CHRM3: variants seen among roughly 807,000 people sequenced by gnomAD.
CHRM3 encodes the protein muscarinic acetylcholine receptor M3.
CHRM3 carries 11 observed loss-of-function variants against 41.8 expected under a neutral mutation model. The ratio of observed to expected loss-of-function variants is 0.26; its 90% CI spans 0.17 to 0.44. The LOEUF is 0.44. Among genes scored for constraint, CHRM3 ranks in the 20% least tolerant of loss-of-function variants. The pLI is 1.00. For synonymous variants in CHRM3, 297 were observed against 301.4 expected, an observed-to-expected ratio of 0.99 and a Z score of 0.15; for missense variants, 571 against 745.4, an observed-to-expected ratio of 0.77 and a Z score of 2.72.
At chr1:239,647,911 GA>G (rs1047348039) in intron 4 of CHRM3, among the ~76,000 whole-genome samples, 9 of 151,404 alleles carry the variant, frequency 5.9e-5, no homozygotes, top group African/African-American at 1.9e-4. Flanking sequence ...CTACAAAATG[GA>G]AAAAAAATAA....
At chr1:239,573,493 T>C (rs973505352) in intron 3 of CHRM3, among the ~76,000 whole-genome samples, 35 of 152,292 alleles carry the variant, frequency 2.3e-4, no homozygotes, top group African/African-American at 8.2e-4. Flanking sequence ...TACTAAAGTC[T>C]TTTAATTTTA....
At chr1:239,632,964 C>T (rs189600214) in intron 4 of CHRM3, among the ~76,000 whole-genome samples, 78 of 152,288 alleles carry the variant, frequency 5.1e-4, no homozygotes, top group African/African-American at 1.9e-3. Flanking sequence ...GAAGGGGAAG[C>T]AAGCCATGTC....
intron 1 of CHRM3, among the ~76,000 whole-genome samples, chr1:239,488,454 G>A (rs932377171): frequency 6.6e-6 from 1 of 151,952 alleles, no homozygotes; most frequent in Non-Finnish European, 1.5e-5. Context: ...GGTGGCACAG[G>A]CCTGTAATCC....
chr1:239,543,994 A>T (rs1192225604), intron 2 of CHRM3, among the ~76,000 whole-genome samples: 1 of 152,228 alleles, frequency 6.6e-6, no homozygotes, highest in Non-Finnish European at 1.5e-5. Context: ...TGAATTTCAA[A>T]TAATTCGCAC....
At chr1:239,799,443 C>T (rs1183165232) in intron 5 of CHRM3, among the ~76,000 whole-genome samples, 1 of 152,152 alleles carries the variant, frequency 6.6e-6, no homozygotes, top group African/African-American at 2.4e-5. Flanking sequence ...GCTGTTTTCG[C>T]TCCAGGCACT....
intron 1 of CHRM3, among the ~76,000 whole-genome samples, chr1:239,422,359 A>G (rs560332853): frequency 1.3e-5 from 2 of 152,338 alleles, no homozygotes; most frequent in South Asian, 4.1e-4. Flanking sequence ...TGGGACATCA[A>G]TAAATAATCC....
rs1439307718 is a variant in CHRM3, at chr1:239,639,878, C to G, written c.-250+7592C>G. Among the ~76,000 whole-genome samples the G allele has an allele frequency of 2.7e-5, 4 of 146,044 alleles. No individual in the cohort carries two copies. The East Asian group carries it at 8.0e-4, about 29-fold the overall frequency. Reference sequence around the variant, plus strand: ...GGAATGCTTCCAGTTTTTGCCCATTCAGTATGATATTGGCTGTGGGTTTGT... The same window carrying G: ...GGAATGCTTCCAGTTTTTGCCCATTGAGTATGATATTGGCTGTGGGTTTGT... On this transcript the variant is annotated intron_variant, in intron 4 of 6. Transcript: ENST00000676153.
At chr1:239,675,387 G>C (rs1448357851) in intron 4 of CHRM3, among the ~76,000 whole-genome samples, 1 of 152,038 alleles carries the variant, frequency 6.6e-6, no homozygotes, top group African/African-American at 2.4e-5. Context: ...TCTTCTATTT[G>C]TTGCATCCTA....
intron 4 of CHRM3, among the ~76,000 whole-genome samples, chr1:239,651,851 A>AC (rs569743360): frequency 3.3e-5 from 5 of 151,686 alleles, no homozygotes; most frequent in African/African-American, 7.3e-5. Context: ...TCCAGACAGC[A>AC]CCCCCCCACA....
intron 6 of CHRM3, among the ~76,000 whole-genome samples, chr1:239,859,937 A>G (rs544081895): frequency 1.1e-4 from 16 of 151,766 alleles, no homozygotes; most frequent in African/African-American, 3.6e-4. Flanking sequence ...AAAGAGAACA[A>G]GCATGTCCCC....
chr1:239,573,158 T>C (rs992882311), intron 3 of CHRM3, among the ~76,000 whole-genome samples: 4 of 152,142 alleles, frequency 2.6e-5, no homozygotes, highest in South Asian at 2.1e-4. Context: ...GCATTCTTTT[T>C]TTCCCCCTAC....
At chr1:239,889,846 C>T (rs537736167) in intron 6 of CHRM3, among the ~76,000 whole-genome samples, 1 of 152,224 alleles carries the variant, frequency 6.6e-6, no homozygotes, top group East Asian at 1.9e-4. Context: ...ATGCTTGGCT[C>T]AAGGAGTATA....
chr1:239,715,346 T>C (rs1265056587), intron 5 of CHRM3, among the ~76,000 whole-genome samples: 3 of 152,128 alleles, frequency 2.0e-5, no homozygotes, highest in Non-Finnish European at 2.9e-5. Context: ...TGATTTTATT[T>C]GTTTTGTTTT....
rs1663374074 is a variant in CHRM3 at position 239,437,599 on chromosome 1, C to T, written c.-521+50372C>T. Among the ~76,000 whole-genome samples, 2 of 152,254 alleles carry T rather than the reference C, an allele frequency of 1.3e-5. 1 individual carries two copies. Among genetic ancestry groups the T allele is most frequent in the African/African-American group, 4.8e-5 (2 of 41,546 alleles). On this transcript the variant is annotated intron_variant, in intron 1 of 6. Transcript: ENST00000676153. Reference sequence around the variant, plus strand: ...TCACCCAGGCTGAAGTGCAATGGCACGATCTCGGCTCACTGCAATCTCTGC... The same window carrying T: ...TCACCCAGGCTGAAGTGCAATGGCATGATCTCGGCTCACTGCAATCTCTGC...
intron 6 of CHRM3, among the ~76,000 whole-genome samples, chr1:239,905,825 C>G (rs996787413): frequency 1.3e-5 from 2 of 152,124 alleles, no homozygotes; most frequent in Non-Finnish European, 2.9e-5. Flanking sequence ...TCTGAGCATC[C>G]TGGCAGCCAA....
intron 4 of CHRM3, among the ~76,000 whole-genome samples, chr1:239,657,778 T>C (rs1034889141): frequency 6.6e-6 from 1 of 152,234 alleles, no homozygotes; most frequent in Non-Finnish European, 1.5e-5. Context: ...GTGCCCTTTA[T>C]GACTTAGCAA....
chr1:239,534,851 G>A (rs1055458433), intron 2 of CHRM3, among the ~76,000 whole-genome samples: 1 of 152,164 alleles, frequency 6.6e-6, no homozygotes, highest in Non-Finnish European at 1.5e-5. Flanking sequence ...ATTTTAGTAA[G>A]GTTATCATTA....
rs1278923817 is a variant in CHRM3 at position 239,907,588 on chromosome 1, C to G, written c.137C>G (p.Ala46Gly). 1 of 1,614,186 alleles carries G rather than the reference C, an allele frequency of 6.2e-7. No homozygotes were observed. Among genetic ancestry groups the G allele is most frequent in the Non-Finnish European group, 8.5e-7 (1 of 1,180,038 alleles). ...HFGSYNVSRA[A>G]GNFSSPDGTT... is the part of the protein sequence containing the mutation. Reference sequence around the variant, plus strand: ...GGCAGCTACAATGTTTCTCGAGCAGCTGGCAATTTCTCCTCTCCAGACGGT... The same window carrying G: ...GGCAGCTACAATGTTTCTCGAGCAGGTGGCAATTTCTCCTCTCCAGACGGT... The change falls in exon 7 of 7, where the codon GCT becomes GGT. Residue 46 changes from alanine (A) to glycine (G), a missense_variant. Physicochemically the swap from Ala to Gly is moderately conservative, Grantham distance 60. This residue lies in a region of CHRM3 where 92 missense variants were observed against 76.1 expected (regional missense o/e 1.21). Transcript: ENST00000676153. This position sits in a 1 kb window ranked among gnomAD's most constrained non-coding sequence, Gnocchi z 5.4.
At chr1:239,448,422 T>C (rs887058594) in intron 1 of CHRM3, among the ~76,000 whole-genome samples, 19 of 152,164 alleles carry the variant, frequency 1.2e-4, no homozygotes, top group African/African-American at 4.6e-4. Flanking sequence ...ATATATTAGG[T>C]TGGAGTCTAG....
Sources: allele counts gnomAD v4.1 joint callset (sites outside exome capture counted in the v4.1 genomes callset), GRCh38; gene constraint gnomAD v4.1.1; regional missense constraint gnomAD v4.1.1; non-coding constraint Gnocchi (gnomAD v3.1); transcripts MANE v1.5; gene names NCBI Gene and HGNC (gene_info 2026-07-23, HGNC 2026-07-21).